The following GJA9 variants were observed in gnomAD, a reference collection of about 807,000 sequenced individuals.
GJA9 encodes gap junction protein alpha 9, also known as gap junction alpha-9 protein.
Under a neutral mutation model 0.4 loss-of-function variants are expected in GJA9, and 1 was observed. The observed-to-expected ratio is 2.50, with a 90% CI of 0.89 to 11.88. The LOEUF (loss-of-function observed/expected upper bound fraction) is 11.88, where lower values mean the gene tolerates loss of function less well. GJA9 is among the 30% of genes most tolerant of loss of function. The pLI is 0.12. For missense variants in GJA9, 550 were observed against 602.8 expected, an observed-to-expected ratio of 0.91 and a Z score of 0.92; for synonymous variants, 190 against 219.1, an observed-to-expected ratio of 0.87 and a Z score of 1.17.
chr1:38,875,469 T>A lies in GJA9; in HGVS notation c.630A>T (p.Ile210=). The A allele has an allele frequency of 1.2e-6, 2 of 1,614,136 alleles. No homozygotes were observed. The highest frequency in any genetic ancestry group is 1.7e-6 in the Non-Finnish European group (2 of 1,179,974). Residue 210 remains isoleucine, a synonymous_variant, in exon 2 of 2, where the codon ATA becomes ATT. Coordinates refer to ENST00000357771, the MANE Select transcript of GJA9 (RefSeq NM_030772.5). Reference sequence around the variant, plus strand: ...CTATAGATTGCATAAATAATAGGAATATTGTCTTTTCTGTTGGTCTTGAGA... The same window carrying A: ...CTATAGATTGCATAAATAATAGGAAAATTGTCTTTTCTGTTGGTCTTGAGA... ...CFVSRPTEKT[I]FLLFMQSIAT... is the part of the protein sequence containing the mutation.
At chr1:38,877,670 T>G (rs1642614406) in intron 1 of GJA9, among the ~76,000 whole-genome samples, 3 of 151,988 alleles carry the variant, frequency 2.0e-5, no homozygotes, top group Admixed American at 6.6e-5. Context: ...GGATAATTTT[T>G]TGTATTTTAG....
intron 1 of GJA9, among the ~76,000 whole-genome samples, chr1:38,877,423 A>T (rs1642607660): frequency 6.6e-6 from 1 of 152,238 alleles, no homozygotes; most frequent in Non-Finnish European, 1.5e-5. Flanking sequence ...ATTATTTGAT[A>T]TAAAAGTTAT....
At chr1:38,878,707 C>G (rs1201814930) in intron 1 of GJA9, among the ~76,000 whole-genome samples, 5 of 145,688 alleles carry the variant, frequency 3.4e-5, no homozygotes, top group Admixed American at 3.4e-4. Flanking sequence ...CAAAAATTCT[C>G]AACTATTTTA....
Position 38,875,339 on chromosome 1 carries a change from C to A in GJA9, c.760G>T (p.Glu254Ter), listed in dbSNP as rs1362047641. 1 of 1,613,926 alleles carries A rather than the reference C, an allele frequency of 6.2e-7. No homozygotes were observed. Among genetic ancestry groups the A allele is most frequent in the South Asian group, 1.1e-5 (1 of 91,044 alleles). Residue 254 changes from glutamate to a stop codon, truncating the protein, a stop_gained, in exon 2 of 2, where the codon GAA becomes TAA. Transcript: ENST00000357771. LOFTEE classifies it low-confidence loss of function (END_TRUNC). Reference sequence around the variant, plus strand: ...TGTTTTGCCTTGTTTGCATGGAATTCATTATGTTCCTTCTTCAACTTGTAT... The same window carrying A: ...TGTTTTGCCTTGTTTGCATGGAATTAATTATGTTCCTTCTTCAACTTGTAT... ...GKYKLKKEHN[E>*]FHANKAKQNV...
intron 1 of GJA9, chr1:38,876,435 C>T (rs866079819): frequency 1.4e-5 from 3 of 222,210 alleles, no homozygotes; most frequent in South Asian, 1.1e-4. Context: ...GCAACTACAC[C>T]CAGATAATTT....
At chr1:38,877,434 A>T (rs1157966604) in intron 1 of GJA9, among the ~76,000 whole-genome samples, 1 of 152,236 alleles carries the variant, frequency 6.6e-6, no homozygotes, top group Non-Finnish European at 1.5e-5. Context: ...TAAAAGTTAT[A>T]ACAAAGTCAA....
chr1:38,877,742 C>T (rs1450022403), intron 1 of GJA9, among the ~76,000 whole-genome samples: 1 of 152,100 alleles, frequency 6.6e-6, no homozygotes, highest in Non-Finnish European at 1.5e-5. Context: ...CGTGATCCAC[C>T]CGCCTCAGCC....
intron 1 of GJA9, among the ~76,000 whole-genome samples, chr1:38,878,271 G>A (rs1349073495): frequency 1.3e-5 from 2 of 151,750 alleles, no homozygotes; most frequent in African/African-American, 4.8e-5. Flanking sequence ...TAGAGACGGG[G>A]TTTCACCATG....
intron 1 of GJA9, among the ~76,000 whole-genome samples, chr1:38,876,958 C>T (rs1193010539): frequency 6.6e-6 from 1 of 151,662 alleles, no homozygotes; most frequent in Non-Finnish European, 1.5e-5. Context: ...AAACCCTTGA[C>T]CTCAGATGAT....
Position 38,875,026 on chromosome 1 carries a change from A to G in GJA9, c.1073T>C (p.Phe358Ser). ...SNNNKDTHKI[F>S]GKELNGNQLM... ...CTGGTTACCATTAAGTTCTTTTCCA[A>G]ATATTTTATGAGTGTCTTTGTTATT... Residue 358 changes from phenylalanine (F) to serine (S), a missense_variant, in exon 2 of 2, where the codon TTT becomes TCT. Phe to Ser is a radical substitution (Grantham distance 155). Transcript: ENST00000357771. The G allele has an allele frequency of 6.2e-7, 1 of 1,614,074 alleles. No individual in the cohort carries two copies. Among genetic ancestry groups the G allele is most frequent in the Non-Finnish European group, 8.5e-7 (1 of 1,180,008 alleles).
At chr1:38,879,885 G>A (rs1300939285) in intron 1 of GJA9, among the ~76,000 whole-genome samples, 4 of 151,866 alleles carry the variant, frequency 2.6e-5, no homozygotes, top group African/African-American at 7.2e-5. Context: ...CTGCCACCAC[G>A]CCCGGCTAAT....
rs752196196 is a variant in GJA9 at position 38,875,578 on chromosome 1, C to T, written c.521G>A (p.Gly174Glu). The part of the protein sequence containing the change: ...RSVVEVGFMI[G>E]QYLLYGFHLE... The stretch of plus-strand genomic sequence containing the variant: ...GTGAAATCCATATAAAAGGTACTGT[C>T]CAATCATGAATCCAACTTCAACCAC... Residue 174 changes from glycine (G) to glutamate (E), a missense_variant, in exon 2 of 2, where the codon GGA becomes GAA. Physicochemically the swap from Gly to Glu is moderately conservative, Grantham distance 98. Coordinates refer to ENST00000357771, the MANE Select transcript of GJA9 (RefSeq NM_030772.5). 1 of 1,614,190 alleles carries T rather than the reference C, an allele frequency of 6.2e-7. No homozygotes were observed. Among genetic ancestry groups the T allele is most frequent in the Non-Finnish European group, 8.5e-7 (1 of 1,180,040 alleles).
chr1:38,875,286 A>T lies in GJA9; in HGVS notation c.813T>A (p.Ser271=). Residue 271 remains serine, a synonymous_variant, in exon 2 of 2, where the codon TCT becomes TCA. Transcript: ENST00000357771. Reference sequence around the variant, plus strand: ...AAGGGAGTCGCTTCAGTGAATTTGCAGATGTGCTCTGGTATTTGGCTACAT... The same window carrying T: ...AAGGGAGTCGCTTCAGTGAATTTGCTGATGTGCTCTGGTATTTGGCTACAT... ...KQNVAKYQST[S]ANSLKRLPSA... 6.2e-7 allele frequency: 1 copy of T among 1,614,198 alleles called. No individual in the cohort carries two copies. Among genetic ancestry groups the T allele is most frequent in the East Asian group, 2.2e-5 (1 of 44,876 alleles).
chr1:38,877,498 T>C (rs1642609821), intron 1 of GJA9, among the ~76,000 whole-genome samples: 1 of 151,976 alleles, frequency 6.6e-6, no homozygotes, highest in Non-Finnish European at 1.5e-5. Context: ...GATTTTTTTT[T>C]CTTTCTTTCT....
Position 38,875,343 on chromosome 1 carries a change from A to T in GJA9, c.756T>A (p.His252Gln). 1 of 1,614,184 alleles carries T rather than the reference A, an allele frequency of 6.2e-7. No individual in the cohort carries two copies. ...TTGCCTTGTTTGCATGGAATTCATTATGTTCCTTCTTCAACTTGTATTTTC... is the reference window on the plus strand; with the variant it reads ...TTGCCTTGTTTGCATGGAATTCATTTTGTTCCTTCTTCAACTTGTATTTTC... ...LWGKYKLKKE[H>Q]NEFHANKAKQ... The change falls in exon 2 of 2, where the codon CAT becomes CAA. Residue 252 changes from histidine (H) to glutamine (Q), a missense_variant. By Grantham distance (24) the His-to-Gln change is conservative (BLOSUM62 0). Transcript: ENST00000357771.
chr1:38,881,065 A>G (rs1336870283), intron 1 of GJA9, among the ~76,000 whole-genome samples: 1 of 152,184 alleles, frequency 6.6e-6, no homozygotes, highest in Non-Finnish European at 1.5e-5. Flanking sequence ...GTTTAGTTAC[A>G]TTTACAGATG....
At chr1:38,876,250 C>G (rs1339499229) in intron 1 of GJA9, 57 bp from the exon 2 acceptor site, 2 of 662,908 alleles carry the variant, frequency 3.0e-6, no homozygotes, top group Admixed American at 3.0e-5. Context: ...TTACTTTTTC[C>G]CTAGATAGCT....
rs147255189 is a variant in GJA9, at chr1:38,875,700, C to T, written c.399G>A (p.Glu133=). The change falls in exon 2 of 2, where the codon GAG becomes GAA. Residue 133 remains glutamate (E), a synonymous_variant. Transcript: ENST00000357771. ...FEMPRDRRRL[E]QELCQLEKRK... ...TTTTCTCCAGCTGACAAAGCTCTTG[C>T]TCCAATCTCCTCCGATCCCTAGGCA... 2.8e-5 allele frequency: 45 copies of T among 1,614,228 alleles called. No homozygotes were observed. In the East Asian group the frequency reaches 9.8e-4, roughly 35 times the overall value.
In GJA9 at chr1:38,876,760, A is replaced by C. The variant is rs574880691; in HGVS notation, c.-95-567T>G. Among the ~76,000 whole-genome samples, 12 of 152,108 alleles carry C rather than the reference A, an allele frequency of 7.9e-5. No individual in the cohort carries two copies. In the South Asian group the frequency reaches 2.1e-3, roughly 26 times the overall value. On this transcript the variant is annotated intron_variant, in intron 1 of 1. Coordinates refer to ENST00000357771, the MANE Select transcript of GJA9 (RefSeq NM_030772.5). The stretch of plus-strand genomic sequence containing the variant: ...GTAATCCCAACACTTTGGGAGGCCA[A>C]GGTGGGTGGATCATTTGAGGTCAGG...
Sources: gnomAD v4.1 joint callset for allele counts (sites outside exome capture counted in the v4.1 genomes callset) on GRCh38, gnomAD v4.1.1 for gene constraint, MANE v1.5 for transcripts, NCBI Gene and HGNC (gene_info 2026-07-23, HGNC 2026-07-21) for gene names.